Variants in RNF150 observed in about 807,000 individuals in gnomAD.
The protein encoded by RNF150 is ring finger protein 150.
Under a neutral mutation model 39.3 loss-of-function variants are expected in RNF150, and 24 were observed. That is an observed-to-expected ratio of 0.61 (90% CI 0.44 to 0.86). The LOEUF (loss-of-function observed/expected upper bound fraction) is 0.86. Ranked by LOEUF, RNF150 falls within the 40% of genes least tolerant of loss-of-function variation. The pLI is 0.00. For synonymous variants in RNF150, 255 were observed against 227.3 expected (o/e 1.12, Z -1.10); for missense variants, 502 against 587.8 (o/e 0.85, Z 1.51).
intron 1 of RNF150, among the ~76,000 whole-genome samples, chr4:141,020,321 T>G (rs919911380): frequency 1.3e-5 from 2 of 152,080 alleles, no homozygotes; most frequent in African/African-American, 4.8e-5. Flanking sequence ...CACATGCAAA[T>G]GTGATGCAAC....
At chr4:141,124,777 A>C (rs1182715225) in intron 1 of RNF150, among the ~76,000 whole-genome samples, 1 of 152,220 alleles carries the variant, frequency 6.6e-6, no homozygotes, top group Non-Finnish European at 1.5e-5. Flanking sequence ...AAGAAACAAA[A>C]CATTTCCTGA....
In RNF150 at chr4:140,962,501, T is replaced by A. The variant is rs553521347; in HGVS notation, c.735+5122A>T. On this transcript the variant is annotated intron_variant, in intron 2 of 6. Transcript: ENST00000515673. ...TATCTCACACACACACACACATATA[T>A]ATATATAAAAGTTTCTCACATGTAG... Among the ~76,000 whole-genome samples, 7 of 151,860 alleles carry A rather than the reference T, an allele frequency of 4.6e-5. No homozygotes were observed. The South Asian group carries it at 1.5e-3, about 32-fold the overall frequency.
At position 140,990,295 on chromosome 4, in the gene RNF150, T is replaced by G. The variant is rs1579032037; in HGVS notation, c.485-22422A>C. Among the ~76,000 whole-genome samples, 4 of 152,314 alleles carry G rather than the reference T, an allele frequency of 2.6e-5. 1 individual carries two copies. The South Asian group carries it at 8.3e-4, about 32-fold the overall frequency. On this transcript the variant is annotated intron_variant, in intron 1 of 6. Coordinates refer to ENST00000515673, the MANE Select transcript of RNF150 (RefSeq NM_020724.2). ...CATTATTTTCTCTTTCGTAAATGAC[T>G]CCGAAGTAAAATAAAATGATAGCTT...
chr4:141,022,844 T>C (rs531547233), intron 1 of RNF150, among the ~76,000 whole-genome samples: 1 of 152,330 alleles, frequency 6.6e-6, no homozygotes, highest in Admixed American at 6.5e-5. Flanking sequence ...AAAAGTATTA[T>C]TGATGATGTT....
chr4:141,007,816 T>A (rs1734929603), intron 1 of RNF150, among the ~76,000 whole-genome samples: 2 of 152,292 alleles, frequency 1.3e-5, no homozygotes, highest in Non-Finnish European at 2.9e-5. Flanking sequence ...ATCTGGTTGA[T>A]CCCAGAGAGG....
chr4:141,201,991 C>G (rs555867128), intron 1 of RNF150, among the ~76,000 whole-genome samples: 38 of 152,194 alleles, frequency 2.5e-4, no homozygotes, highest in African/African-American at 9.1e-4. Context: ...CTTGCTTGCC[C>G]TTTCAGCCAT....
At chr4:141,074,943 CA>C (rs1476152677) in intron 1 of RNF150, among the ~76,000 whole-genome samples, 1 of 152,210 alleles carries the variant, frequency 6.6e-6, no homozygotes, top group Admixed American at 6.5e-5. Context: ...CAGCACATTA[CA>C]TATTCTATTT....
intron 1 of RNF150, among the ~76,000 whole-genome samples, chr4:141,114,436 T>A (rs1473311121): frequency 6.6e-6 from 1 of 151,998 alleles, no homozygotes; most frequent in Non-Finnish European, 1.5e-5. Context: ...ACATACACCC[T>A]CCCAAGACTA....
chr4:140,917,874 C>A (rs78449674), intron 5 of RNF150, among the ~76,000 whole-genome samples: 205 of 151,834 alleles, frequency 1.4e-3, no homozygotes, highest in Admixed American at 3.0e-3. Flanking sequence ...ACTAGAACTC[C>A]GGATTAAGAA....
At chr4:141,155,597 G>A (rs186417541) in intron 1 of RNF150, among the ~76,000 whole-genome samples, 2 of 152,254 alleles carry the variant, frequency 1.3e-5, no homozygotes, top group African/African-American at 2.4e-5. Context: ...AATTGGGTAT[G>A]CAAGTATGAG....
intron 1 of RNF150, among the ~76,000 whole-genome samples, chr4:141,095,174 G>A (rs1164601552): frequency 1.3e-5 from 2 of 152,212 alleles, no homozygotes; most frequent in Admixed American, 1.3e-4. Flanking sequence ...GAAGAAATCA[G>A]CTACAATTTT....
At chr4:140,962,480 TCA>T (rs564271304) in intron 2 of RNF150, among the ~76,000 whole-genome samples, 12 of 147,760 alleles carry the variant, frequency 8.1e-5, no homozygotes, top group East Asian at 5.9e-4. Context: ...TATGTATATC[TCA>T]CACACACACA....
intron 6 of RNF150, among the ~76,000 whole-genome samples, chr4:140,893,392 T>C (rs1315631712): frequency 1.3e-5 from 2 of 152,118 alleles, no homozygotes; most frequent in Non-Finnish European, 1.5e-5. Context: ...GATAAAACAC[T>C]GGGGAAGGGG....
Position 140,925,999 on chromosome 4 carries a change from A to C in RNF150, c.965T>G (p.Ile322Ser), listed in dbSNP as rs1297959192. The C allele has an allele frequency of 6.2e-7, 1 of 1,613,430 alleles. No homozygotes were observed. The highest frequency in any genetic ancestry group is 1.3e-5 in the African/African-American group (1 of 74,918). Residue 322 changes from isoleucine (I) to serine (S), a missense_variant, in exon 5 of 7, where the codon ATT (isoleucine) becomes AGT (serine). Physicochemically the swap from Ile to Ser is moderately radical, Grantham distance 142. Coordinates refer to ENST00000515673, the MANE Select transcript of RNF150 (RefSeq NM_020724.2). ...TACCGGGATCCCTAGGGCTTTAAGA[A>C]TGTTCATCTTGCACATGGGACAGGT... ...HRTCPMCKMNILKALGIPPNA... is the reference protein window; with the variant it reads ...HRTCPMCKMNSLKALGIPPNA...
At chr4:140,926,612 G>A (rs1731408431) in intron 4 of RNF150, among the ~76,000 whole-genome samples, 1 of 152,224 alleles carries the variant, frequency 6.6e-6, no homozygotes, top group Admixed American at 6.5e-5. Flanking sequence ...AGCCAGAGTA[G>A]AAGGCTCTGG....
At chr4:141,041,555 C>A (rs1032471735) in intron 1 of RNF150, among the ~76,000 whole-genome samples, 1 of 152,028 alleles carries the variant, frequency 6.6e-6, no homozygotes, top group African/African-American at 2.4e-5. Flanking sequence ...GAATCCAAGA[C>A]TCTATAAAAT....
intron 1 of RNF150, among the ~76,000 whole-genome samples, chr4:141,008,160 T>C (rs1734940985): frequency 6.6e-6 from 1 of 152,214 alleles, no homozygotes; most frequent in Non-Finnish European, 1.5e-5. Context: ...CTGGATTAGT[T>C]CATAAAGAAG....
At chr4:141,049,520 A>G (rs1245994897) in intron 1 of RNF150, among the ~76,000 whole-genome samples, 1 of 152,198 alleles carries the variant, frequency 6.6e-6, no homozygotes, top group African/African-American at 2.4e-5. Context: ...AATTTAAAAA[A>G]GAAGTACAGA....
intron 2 of RNF150, among the ~76,000 whole-genome samples, chr4:140,960,424 T>C (rs891931885): frequency 2.6e-5 from 4 of 152,188 alleles, no homozygotes; most frequent in African/African-American, 9.6e-5. Context: ...GTTTTTATAA[T>C]TCATAAGAAA....
Sources: gnomAD v4.1 joint callset for allele counts (sites outside exome capture counted in the v4.1 genomes callset) on GRCh38, gnomAD v4.1.1 for gene constraint, MANE v1.5 for transcripts, NCBI Gene and HGNC (gene_info 2026-07-23, HGNC 2026-07-21) for gene names.